The following LARP1 variants were observed in gnomAD, a reference collection of about 807,000 sequenced individuals.
The protein encoded by LARP1 is La ribonucleoprotein 1, translational regulator, also known as la-related protein 1.
In LARP1, 36 loss-of-function variants were observed where a neutral mutation model predicts 122.7. That is an observed-to-expected ratio of 0.29 (90% CI 0.22 to 0.39). The LOEUF is 0.39. Ranked by LOEUF, LARP1 falls within the 10% of genes least tolerant of loss-of-function variation. The pLI is 1.00. For missense variants in LARP1, 1,040 were observed against 1,403.6 expected (o/e 0.74, Z 4.14); for synonymous variants, 539 against 528.7 (o/e 1.02, Z -0.27).
rs774409374 is a variant in LARP1 at position 154,814,130 on chromosome 5, A to G, written c.*34A>G. ...TTAGCCCTGGGGCTTGAGGGGGGAA[A>G]GGGGTAGGGTGGGTAAGAGTCCATG... is the stretch of plus-strand genomic sequence containing the variant. On this transcript the variant is annotated 3_prime_UTR_variant, in exon 19 of 19. Transcript: ENST00000518297. 4.5e-6 allele frequency: 7 copies of G among 1,561,624 alleles called. No homozygotes were observed. Among genetic ancestry groups the G allele is most frequent in the Middle Eastern group, 1.7e-4 (1 of 5,898 alleles).
chr5:154,784,740 C>G (rs1756749449), intron 1 of LARP1, among the ~76,000 whole-genome samples: 1 of 152,210 alleles, frequency 6.6e-6, no homozygotes. Context: ...TTTGAATCAC[C>G]CATGTGCTTT....
chr5:154,750,392 C>G (rs1753424612), upstream of LARP1, among the ~76,000 whole-genome samples: 1 of 152,084 alleles, frequency 6.6e-6, no homozygotes, highest in Non-Finnish European at 1.5e-5. Flanking sequence ...ACCTCAACCT[C>G]CCCAGCAGCT....
At position 154,791,871 on chromosome 5, in the gene LARP1, A is replaced by T. The variant is rs1757380011; in HGVS notation, c.565-751A>T. ...AGCCATTTTATTCAAGGGTCAGCTG[A>T]ATTGCCTGTTCATCATCTCATCTAA... On this transcript the variant is annotated intron_variant, in intron 3 of 18. Coordinates refer to ENST00000518297, the MANE Select transcript of LARP1 (RefSeq NM_033551.3). The T allele has an allele frequency of 9.2e-6, 4 of 434,522 alleles. No homozygotes were observed. The Admixed American group carries it at 9.5e-5, about 10-fold the overall frequency. The allele number at this position is 434,522 out of a possible 1,614,324, so 26.9% of individuals were successfully genotyped here.
intron 1 of LARP1, among the ~76,000 whole-genome samples, chr5:154,770,741 C>A (rs1755341520): frequency 6.6e-6 from 1 of 152,122 alleles, no homozygotes; most frequent in Non-Finnish European, 1.5e-5. Flanking sequence ...GTCTGGGAAT[C>A]CAGACTGGAG....
intron 1 of LARP1, among the ~76,000 whole-genome samples, chr5:154,725,987 C>T (rs1318377475): frequency 1.3e-5 from 2 of 150,440 alleles, no homozygotes; most frequent in African/African-American, 2.5e-5. Flanking sequence ...ATTACAGGCT[C>T]CCGCCACCAC....
At chr5:154,801,896 G>A in intron 10 of LARP1, 111 bp from the exon 11 acceptor site, 1 of 1,025,298 alleles carries the variant, frequency 9.8e-7, no homozygotes, top group Non-Finnish European at 1.4e-6. Context: ...CAGGGTCATA[G>A]TTGAACAGTC....
intron 1 of LARP1, among the ~76,000 whole-genome samples, chr5:154,732,194 A>C (rs55901597): frequency 0.46 from 57,456 of 125,428 alleles, 12,917 homozygotes; most frequent in Non-Finnish European, 0.57. Context: ...CAAAACAAAA[A>C]AAAAAAAAAA....
chr5:154,782,938 C>A (rs1296496175), intron 1 of LARP1, among the ~76,000 whole-genome samples: 1 of 152,154 alleles, frequency 6.6e-6, no homozygotes, highest in Non-Finnish European at 1.5e-5. Context: ...GGTCTCCAGG[C>A]TCCCCTCTAT....
At chr5:154,719,724 C>T (rs545233575) in intron 1 of LARP1, among the ~76,000 whole-genome samples, 14 of 151,534 alleles carry the variant, frequency 9.2e-5, no homozygotes, top group Non-Finnish European at 1.9e-4. Context: ...TAGCTGGACA[C>T]GGTGGCACAT....
At chr5:154,761,242 G>A (rs1215085698) in intron 1 of LARP1, among the ~76,000 whole-genome samples, 5 of 152,140 alleles carry the variant, frequency 3.3e-5, no homozygotes, top group East Asian at 3.9e-4. Flanking sequence ...ATACTAACCC[G>A]GAAGTGAGTG....
chr5:154,802,236 C>T lies in LARP1; in HGVS notation c.1946C>T (p.Thr649Ile). 6.2e-7 allele frequency: 1 copy of T among 1,614,206 alleles called. No homozygotes were observed. Among genetic ancestry groups the T allele is most frequent in the Non-Finnish European group, 8.5e-7 (1 of 1,180,040 alleles). Residue 649 changes from threonine to isoleucine, a missense_variant, in exon 11 of 19, where the codon ACA (threonine) becomes ATA (isoleucine). Physicochemically the swap from Thr to Ile is moderately conservative, Grantham distance 89. This residue lies in a region of LARP1 where 362 missense variants were observed against 533.1 expected (regional missense o/e 0.68). Coordinates refer to ENST00000518297, the MANE Select transcript of LARP1 (RefSeq NM_033551.3). This position sits in a 1 kb window ranked among gnomAD's most constrained non-coding sequence, Gnocchi z 5.1. ...AACAAGATCCTCATTGTCACCCAGA[C>T]ACCACATTACATGCGCCGGCACCCA... ...DVNKILIVTQ[T>I]PHYMRRHPGG...
chr5:154,717,563 T>C (rs1755585791), intron 1 of LARP1, among the ~76,000 whole-genome samples: 1 of 152,212 alleles, frequency 6.6e-6, no homozygotes, highest in Admixed American at 6.5e-5. Flanking sequence ...TCCATGTAAA[T>C]TATACCAGAA....
intron 1 of LARP1, among the ~76,000 whole-genome samples, chr5:154,779,630 T>C (rs1756248965): frequency 6.7e-6 from 1 of 149,872 alleles, no homozygotes; most frequent in Non-Finnish European, 1.5e-5. Flanking sequence ...TGCCTAAGCC[T>C]CCCGAGTAAC....
chr5:154,814,121 A>T lies in LARP1; in HGVS notation c.*25A>T. The T allele has an allele frequency of 2.1e-5, 33 of 1,552,946 alleles. No individual in the cohort carries two copies. Among genetic ancestry groups the T allele is most frequent in the East Asian group, 9.6e-5 (4 of 41,606 alleles). ...AAAAGCTCCTTAGCCCTGGGGCTTG[A>T]GGGGGGAAAGGGGTAGGGTGGGTAA... On this transcript the variant is annotated 3_prime_UTR_variant, in exon 19 of 19. Transcript: ENST00000518297.
At chr5:154,779,709 T>C (rs1469590685) in intron 1 of LARP1, among the ~76,000 whole-genome samples, 3 of 152,110 alleles carry the variant, frequency 2.0e-5, no homozygotes, top group African/African-American at 7.2e-5. Flanking sequence ...GGTTTCTCCA[T>C]GTTGGTCAGT....
chr5:154,703,287 C>T (rs1346553190), intron 1 of LARP1, among the ~76,000 whole-genome samples: 1 of 152,182 alleles, frequency 6.6e-6, no homozygotes, highest in African/African-American at 2.4e-5. Flanking sequence ...TATACACTTT[C>T]AGCATCTTGA....
At chr5:154,703,120 C>CAAAAAAAA (rs757446137) in intron 1 of LARP1, among the ~76,000 whole-genome samples, 1 of 38,782 alleles carries the variant, frequency 2.6e-5, no homozygotes, top group Non-Finnish European at 5.0e-5. Context: ...GACGCTGTCT[C>CAAAAAAAA]AAAAAAAAAA....
intron 1 of LARP1, among the ~76,000 whole-genome samples, chr5:154,789,694 C>T (rs749206355): frequency 1.3e-5 from 2 of 152,210 alleles, no homozygotes; most frequent in Admixed American, 6.5e-5. Context: ...CATCTCTGTA[C>T]ATAACTCTTG....
chr5:154,801,405 C>A (rs917224337), intron 10 of LARP1, among the ~76,000 whole-genome samples: 3 of 152,200 alleles, frequency 2.0e-5, no homozygotes, highest in African/African-American at 7.2e-5. Flanking sequence ...CTTTACCATA[C>A]CACAATGCAG....
Sources: allele counts gnomAD v4.1 joint callset (sites outside exome capture counted in the v4.1 genomes callset), GRCh38; gene constraint gnomAD v4.1.1; regional missense constraint gnomAD v4.1.1; non-coding constraint Gnocchi (gnomAD v3.1); transcripts MANE v1.5; gene names NCBI Gene and HGNC (gene_info 2026-07-23, HGNC 2026-07-21).